KIF26B: variants seen among roughly 807,000 people sequenced by gnomAD.
The protein encoded by KIF26B is kinesin-like protein KIF26B.
Under a neutral mutation model 151.2 loss-of-function variants are expected in KIF26B, and 63 were observed. That is an observed-to-expected ratio of 0.42 (90% CI 0.34 to 0.51). The LOEUF (loss-of-function observed/expected upper bound fraction) is 0.51. Among genes scored for constraint, KIF26B ranks in the 20% least tolerant of loss-of-function variants. KIF26B has a pLI of 0.07. For missense variants in KIF26B, 2,813 were observed against 2,913.6 expected, an observed-to-expected ratio of 0.97 and a Z score of 0.79; for synonymous variants, 1,357 against 1,262.1, an observed-to-expected ratio of 1.08 and a Z score of -1.59.
chr1:245,551,964 C>T (rs555517513), intron 5 of KIF26B, among the ~76,000 whole-genome samples: 51 of 152,148 alleles, frequency 3.4e-4, no homozygotes, highest in Non-Finnish European at 5.7e-4. Context: ...CAGTGGGTCT[C>T]CTTAACGAAT....
intron 4 of KIF26B, among the ~76,000 whole-genome samples, chr1:245,445,477 C>A (rs1034823739): frequency 9.9e-5 from 15 of 152,062 alleles, no homozygotes; most frequent in African/African-American, 3.6e-4. Flanking sequence ...TGCGTGCGTG[C>A]GCGTGTGTAT....
At chr1:245,535,752 G>A (rs116622196) in intron 4 of KIF26B, among the ~76,000 whole-genome samples, 1,938 of 152,246 alleles carry the variant, frequency 0.013, 40 homozygotes, top group African/African-American at 0.044. Flanking sequence ...CCCCTATTCA[G>A]ATACAATACG....
chr1:245,338,963 G>A (rs138403776), intron 2 of KIF26B, among the ~76,000 whole-genome samples: 2,467 of 146,636 alleles, frequency 0.017, 42 homozygotes, highest in Non-Finnish European at 0.022. Context: ...ATGCTTCATA[G>A]GGTAGAATTT....
At chr1:245,541,021 A>G (rs1661608224) in intron 5 of KIF26B, 71 bp downstream of exon 5, 3 of 1,269,384 alleles carry the variant, frequency 2.4e-6, no homozygotes, top group Non-Finnish European at 3.3e-6. Context: ...GGAGGAAGAA[A>G]ATGAGGCCTC....
chr1:245,416,267 C>T (rs368963814), intron 3 of KIF26B, among the ~76,000 whole-genome samples: 56 of 114,702 alleles, frequency 4.9e-4, no homozygotes, highest in African/African-American at 1.7e-3. Context: ...GCAACAAGAG[C>T]GAAACTCTGT....
intron 2 of KIF26B, among the ~76,000 whole-genome samples, chr1:245,214,532 G>A (rs1012598540): frequency 1.3e-5 from 2 of 152,168 alleles, no homozygotes; most frequent in East Asian, 1.9e-4. Context: ...GTCCTTGAGC[G>A]GGCGTCCAGT....
chr1:245,449,362 T>C (rs55850733), intron 4 of KIF26B, among the ~76,000 whole-genome samples: 4,615 of 152,132 alleles, frequency 0.03, 174 homozygotes, highest in African/African-American at 0.085. Context: ...ACAAAGGAAA[T>C]GCATTTTCCC....
At chr1:245,410,070 T>C (rs1345806249) in intron 3 of KIF26B, among the ~76,000 whole-genome samples, 2 of 152,184 alleles carry the variant, frequency 1.3e-5, no homozygotes, top group Admixed American at 6.5e-5. Context: ...CTCATGCAAG[T>C]ATAAAGAAAT....
rs144106249 is a variant in KIF26B at position 245,702,359 on chromosome 1, A to C, written c.6179-99A>C. ...GCAAGCGAACTAGACCTTTAGACCA[A>C]GGGGTAGATGTGGGGGTGGCAGCTC... is the stretch of plus-strand genomic sequence containing the variant. On this transcript the variant is annotated intron_variant, in intron 14 of 14. Transcript: ENST00000407071. This position sits in a 1 kb window ranked among gnomAD's most constrained non-coding sequence, Gnocchi z 4.1. The C allele has an allele frequency of 8.9e-6, 12 of 1,345,420 alleles. No individual in the cohort carries two copies. In the African/African-American group the frequency reaches 1.4e-4, roughly 16 times the overall value. 83.3% of individuals were successfully genotyped at this position (1,345,420 alleles called of 1,614,324 possible).
intron 9 of KIF26B, among the ~76,000 whole-genome samples, chr1:245,640,490 G>A (rs1436265165): frequency 6.6e-6 from 1 of 151,696 alleles, no homozygotes; most frequent in African/African-American, 2.4e-5. Context: ...CTTTTATTTG[G>A]AGAATTTAGT....
In KIF26B at chr1:245,247,598, C is replaced by T. The variant is rs186237308; in HGVS notation, c.465+90915C>T. Among the ~76,000 whole-genome samples the T allele has an allele frequency of 3.9e-5, 6 of 152,136 alleles. No homozygotes were observed. The South Asian group carries it at 6.2e-4, about 16-fold the overall frequency. ...CGATGGCGTGGCAGCCCTGGGCTGT[C>T]GCTGGAGCGAGCTTGTTTATGGAAG... On this transcript the variant is annotated intron_variant, in intron 2 of 14. Coordinates refer to ENST00000407071, the MANE Select transcript of KIF26B (RefSeq NM_018012.4).
chr1:245,171,870 C>T (rs957319563), intron 2 of KIF26B, among the ~76,000 whole-genome samples: 13 of 152,134 alleles, frequency 8.5e-5, no homozygotes, highest in Admixed American at 8.5e-4. Flanking sequence ...CTCGCTTGCA[C>T]GATGGTGTTA....
intron 4 of KIF26B, among the ~76,000 whole-genome samples, chr1:245,432,090 G>A (rs1366297327): frequency 2.6e-5 from 4 of 151,806 alleles, no homozygotes; most frequent in Non-Finnish European, 5.9e-5. Flanking sequence ...TGACCTCCCT[G>A]TTTAAAATTA....
intron 2 of KIF26B, among the ~76,000 whole-genome samples, chr1:245,362,372 A>G (rs1319667955): frequency 2.7e-5 from 4 of 150,782 alleles, no homozygotes; most frequent in African/African-American, 9.7e-5. Flanking sequence ...ACTAAAAAAA[A>G]AAAAAAAAAA....
At chr1:245,385,037 TC>T (rs1224219588) in intron 3 of KIF26B, among the ~76,000 whole-genome samples, 1 of 152,156 alleles carries the variant, frequency 6.6e-6, no homozygotes, top group Non-Finnish European at 1.5e-5. Context: ...TTCATACTTT[TC>T]CCCCTCACCT....
At chr1:245,577,730 C>A (rs1344816372) in intron 5 of KIF26B, among the ~76,000 whole-genome samples, 1 of 143,528 alleles carries the variant, frequency 7.0e-6, no homozygotes, top group Non-Finnish European at 1.5e-5. Flanking sequence ...CTTTGTGGAA[C>A]TCCGGGCGAT....
chr1:245,686,632 T>A lies in KIF26B; in HGVS notation c.3649T>A (p.Cys1217Ser). 1 of 1,611,084 alleles carries A rather than the reference T, an allele frequency of 6.2e-7. No homozygotes were observed. Among genetic ancestry groups the A allele is most frequent in the Non-Finnish European group, 8.5e-7 (1 of 1,178,984 alleles). Residue 1217 changes from cysteine to serine, a missense_variant, in exon 12 of 15, where the codon TGC becomes AGC. Physicochemically the swap from Cys to Ser is moderately radical, Grantham distance 112 (BLOSUM62 -1). Coordinates refer to ENST00000407071, the MANE Select transcript of KIF26B (RefSeq NM_018012.4). The surrounding 1 kb of genome is among the most constrained non-coding windows in gnomAD (Gnocchi z 5.6). ...CAGCATCATCAGCTTCAACAGCGAC[T>A]GCTCTGCACGGGCCCTGGCCTCGGG... ...PTSIISFNSD[C>S]SARALASGSR...
In KIF26B at chr1:245,674,850, C is replaced by T. The variant is rs144203035; in HGVS notation, c.2259-9383C>T. Among the ~76,000 whole-genome samples, 54 of 152,262 alleles carry T rather than the reference C, an allele frequency of 3.5e-4. 1 individual carries two copies. Among genetic ancestry groups the T allele is most frequent in the African/African-American group, 8.9e-4 (37 of 41,546 alleles). On this transcript the variant is annotated intron_variant, in intron 10 of 14. Coordinates refer to ENST00000407071, the MANE Select transcript of KIF26B (RefSeq NM_018012.4). Reference sequence around the variant, plus strand: ...AGCCAAACTTCAAACATGGAGAGCACGGCCCCCAGTCTGCCAAGTCGGCCC... The same window carrying T: ...AGCCAAACTTCAAACATGGAGAGCATGGCCCCCAGTCTGCCAAGTCGGCCC...
intron 2 of KIF26B, among the ~76,000 whole-genome samples, chr1:245,190,631 TTTGTTTTG>T (rs1287057212): frequency 3.1e-5 from 3 of 97,000 alleles, no homozygotes; most frequent in Non-Finnish European, 7.0e-5. Flanking sequence ...CCCTGAATGT[TTTGTTTTG>T]TTTTTTTTTT....
Sources: gnomAD v4.1 joint callset for allele counts (sites outside exome capture counted in the v4.1 genomes callset) on GRCh38, gnomAD v4.1.1 for gene constraint, Gnocchi (gnomAD v3.1) non-coding constraint, MANE v1.5 for transcripts, NCBI Gene and HGNC (gene_info 2026-07-23, HGNC 2026-07-21) for gene names.